The following RANBP2 variants were observed in gnomAD, a reference collection of about 807,000 sequenced individuals.
RANBP2 encodes RAN binding protein 2.
In RANBP2, 57 loss-of-function variants were observed where a neutral mutation model predicts 303.6. The ratio of observed to expected loss-of-function variants is 0.19; its 90% confidence interval spans 0.15 to 0.23. The LOEUF is 0.23. RANBP2 is among the 10% of genes least tolerant of loss of function. RANBP2 has a pLI of 1.00. For synonymous variants in RANBP2, 1,167 were observed against 1,301.5 expected (o/e 0.90, Z 2.23); for missense variants, 3,138 against 3,780.8 (o/e 0.83, Z 4.46).
the RANBP2 span, among the ~76,000 whole-genome samples, chr2:109,029,483 C>A: frequency 6.6e-5 from 10 of 152,220 alleles, no homozygotes; most frequent in Non-Finnish European, 1.5e-4. Flanking sequence ...CCTCAGCCCT[C>A]CTGGGAAGCA....
At chr2:109,652,847 G>A in the RANBP2 span, among the ~76,000 whole-genome samples, 6 of 152,180 alleles carry the variant, frequency 3.9e-5, no homozygotes, top group Non-Finnish European at 8.8e-5. Context: ...GATTAGCATT[G>A]ATATATATTT....
chr2:108,896,145 ATCCAATTGC>A, the RANBP2 span: 1 of 152,274 alleles, frequency 6.6e-6, no homozygotes, highest in Non-Finnish European at 1.5e-5. Flanking sequence ...TACTGCACAC[ATCCAATTGC>A]TTGGACAAAC....
At chr2:109,659,913 T>TTGGG in the RANBP2 span, among the ~76,000 whole-genome samples, 2 of 152,148 alleles carry the variant, frequency 1.3e-5, no homozygotes, top group African/African-American at 2.4e-5. Context: ...CACAAGCAAA[T>TTGGG]GCCCAGATAG....
At chr2:109,328,135 A>G in the RANBP2 span, among the ~76,000 whole-genome samples, 1 of 152,240 alleles carries the variant, frequency 6.6e-6, no homozygotes, top group Non-Finnish European at 1.5e-5. Context: ...AACAAAAAAC[A>G]GCCAAACCAT....
At chr2:108,931,720 T>G in the RANBP2 span, among the ~76,000 whole-genome samples, 247 of 145,926 alleles carry the variant, frequency 1.7e-3, 2 homozygotes, top group African/African-American at 6.5e-3. Flanking sequence ...AGGAGGTGGG[T>G]TTTTTTTTCT....
chr2:109,355,934 C>G, the RANBP2 span, among the ~76,000 whole-genome samples: 1 of 152,186 alleles, frequency 6.6e-6, no homozygotes, highest in East Asian at 1.9e-4. Context: ...CTGTTGTGAT[C>G]TAGCCATGAA....
At chr2:109,309,986 T>C in the RANBP2 span, among the ~76,000 whole-genome samples, 1 of 126,026 alleles carries the variant, frequency 7.9e-6, no homozygotes, top group Non-Finnish European at 1.6e-5. Flanking sequence ...CTGCACCAGG[T>C]GGACCTAATA....
At chr2:108,748,374 ATT>A (rs34247750) in intron 8 of RANBP2, among the ~76,000 whole-genome samples, 5,901 of 130,704 alleles carry the variant, frequency 0.045, 381 homozygotes, top group African/African-American at 0.16. Context: ...GGGCCGGCTA[ATT>A]TTTTTTTTTT....
chr2:109,415,970 A>G, the RANBP2 span, among the ~76,000 whole-genome samples: 3 of 152,088 alleles, frequency 2.0e-5, no homozygotes, highest in Admixed American at 6.5e-5. Context: ...GTGGCTTTCT[A>G]AGAAGCAGCA....
chr2:108,722,112 C>T (rs1694310077), intron 1 of RANBP2, among the ~76,000 whole-genome samples: 1 of 150,956 alleles, frequency 6.6e-6, no homozygotes, highest in African/African-American at 2.4e-5. Context: ...TAGTGGGGAC[C>T]TTGGCTTCCA....
At chr2:109,528,962 A>T in the RANBP2 span, among the ~76,000 whole-genome samples, 14 of 152,204 alleles carry the variant, frequency 9.2e-5, no homozygotes, top group East Asian at 2.7e-3. Flanking sequence ...CCATGCCTTG[A>T]CCTTAGCGCT....
chr2:108,798,571 T>G, the RANBP2 span: 2 of 1,608,604 alleles, frequency 1.2e-6, no homozygotes, highest in Non-Finnish European at 8.5e-7. Context: ...TTACAAGATT[T>G]CAAATTATAA....
At chr2:109,589,893 T>A in the RANBP2 span, among the ~76,000 whole-genome samples, 1 of 152,070 alleles carries the variant, frequency 6.6e-6, no homozygotes, top group African/African-American at 2.4e-5. Context: ...AACTGTAGTA[T>A]ACTAAACTAC....
chr2:108,792,651 A>G, the RANBP2 span, among the ~76,000 whole-genome samples: 1 of 152,208 alleles, frequency 6.6e-6, no homozygotes, highest in South Asian at 2.1e-4. Context: ...TCATTTTAAA[A>G]AATTCATACT....
chr2:109,010,911 G>T, the RANBP2 span, among the ~76,000 whole-genome samples: 1 of 152,228 alleles, frequency 6.6e-6, no homozygotes, highest in African/African-American at 2.4e-5. Context: ...CCTACAGGTT[G>T]CTGACGATGT....
At chr2:109,429,943 C>T in the RANBP2 span, among the ~76,000 whole-genome samples, 65,595 of 152,108 alleles carry the variant, frequency 0.43, 14,231 homozygotes, top group Admixed American at 0.46. Flanking sequence ...TAGCCGCAGC[C>T]AATCCACGGA....
At position 108,775,914 on chromosome 2, in the gene RANBP2, T is replaced by G. The variant is rs1266379913; in HGVS notation, c.8475T>G (p.Ile2825Met). The G allele has an allele frequency of 1.9e-6, 3 of 1,611,040 alleles. No individual in the cohort carries two copies. In the African/African-American group the frequency reaches 4.0e-5, roughly 22 times the overall value. ...TAGATTTGTCAACTAGAAAGGAAAT[T>G]GATACAGATTCTACAAGCCAAGGTA... is the stretch of plus-strand genomic sequence containing the variant. ...KPVDLSTRKE[I>M]DTDSTSQGES... Residue 2825 changes from isoleucine (I) to methionine (M), a missense_variant, in exon 24 of 29, where the codon ATT becomes ATG. Coordinates refer to ENST00000283195, the MANE Select transcript of RANBP2 (RefSeq NM_006267.5).
At chr2:109,630,102 A>T in the RANBP2 span, among the ~76,000 whole-genome samples, 1 of 152,180 alleles carries the variant, frequency 6.6e-6, no homozygotes, top group Admixed American at 6.5e-5. Context: ...AGACAGGAGA[A>T]ATTCCAGCTG....
At chr2:109,076,903 A>G in the RANBP2 span, among the ~76,000 whole-genome samples, 34,483 of 150,124 alleles carry the variant, frequency 0.23, 6,172 homozygotes, top group Middle Eastern at 0.34. Flanking sequence ...TCTGAAATTT[A>G]TATGGTACCA....
Sources: gnomAD v4.1 joint callset for allele counts (sites outside exome capture counted in the v4.1 genomes callset) on GRCh38, gnomAD v4.1.1 for gene constraint, MANE v1.5 for transcripts, NCBI Gene and HGNC (gene_info 2026-07-23, HGNC 2026-07-21) for gene names.